The following INVS variants were observed in gnomAD, a reference collection of about 807,000 sequenced individuals.
INVS encodes inversion of embryo turning homolog.
In INVS, 86 loss-of-function variants were observed where a neutral mutation model predicts 108.8. That is an observed-to-expected ratio of 0.79 (90% CI 0.66 to 0.95). The LOEUF is 0.95. Among genes scored for constraint, INVS ranks in the 40% least tolerant of loss-of-function variants. INVS has a pLI of 0.00. For missense variants in INVS, 1,169 were observed against 1,297.4 expected (o/e 0.90, Z 1.52); for synonymous variants, 455 against 473.5 (o/e 0.96, Z 0.51).
rs758008772 is a variant in INVS at position 100,240,031 on chromosome 9, G to A, written c.616-29G>A. On this transcript the variant is annotated intron_variant, in intron 5 of 16. Transcript: ENST00000262457. ...GTAATTTATTGAGGATTCCATGTAT[G>A]TCTGAAGTCTCTGGTTCCTTCAAAT... The A allele has an allele frequency of 6.3e-6, 10 of 1,586,172 alleles. No individual in the cohort carries two copies. The Admixed American group carries it at 6.7e-5, about 11-fold the overall frequency.
intron 5 of INVS, 40 bp downstream of exon 5, chr9:100,229,867 AT>A (rs1157856370): frequency 6.9e-6 from 11 of 1,595,984 alleles, no homozygotes; most frequent in Non-Finnish European, 8.6e-6. Context: ...TGGCCTTGAA[AT>A]TTTTTTATTA....
intron 3 of INVS, among the ~76,000 whole-genome samples, chr9:100,174,845 G>T (rs1312766185): frequency 6.6e-6 from 1 of 152,186 alleles, no homozygotes; most frequent in Non-Finnish European, 1.5e-5. Flanking sequence ...CCAGGAGGAG[G>T]AGGTTGCAGT....
chr9:100,282,458 T>G (rs1833309916), intron 12 of INVS, among the ~76,000 whole-genome samples: 1 of 152,044 alleles, frequency 6.6e-6, no homozygotes, highest in South Asian at 2.1e-4. Context: ...GGACCCCAGA[T>G]CAGGGGCTAC....
intron 3 of INVS, among the ~76,000 whole-genome samples, chr9:100,144,010 C>A (rs922144622): frequency 6.6e-6 from 1 of 152,078 alleles, no homozygotes; most frequent in Non-Finnish European, 1.5e-5. Flanking sequence ...AGCCTTGGGC[C>A]AGAGTTCTAG....
At chr9:100,294,721 T>C (rs1833737142) in intron 14 of INVS, among the ~76,000 whole-genome samples, 1 of 152,172 alleles carries the variant, frequency 6.6e-6, no homozygotes, top group East Asian at 1.9e-4. Flanking sequence ...CCATGCACTT[T>C]GCCTGAAAAT....
chr9:100,114,391 C>CTTTTTTTTT (rs67549379), intron 2 of INVS, among the ~76,000 whole-genome samples: 3 of 64,858 alleles, frequency 4.6e-5, no homozygotes, highest in Non-Finnish European at 7.9e-5. Flanking sequence ...AGATTTCTTT[C>CTTTTTTTTT]TTTTTTTTTT....
chr9:100,224,366 A>G (rs536866846), intron 3 of INVS, among the ~76,000 whole-genome samples: 1 of 152,330 alleles, frequency 6.6e-6, no homozygotes, highest in South Asian at 2.1e-4. Flanking sequence ...AGAGATAAAT[A>G]GGCACGAAGT....
At chr9:100,100,152 T>C (rs541613551) in intron 1 of INVS, among the ~76,000 whole-genome samples, 2 of 152,288 alleles carry the variant, frequency 1.3e-5, no homozygotes, top group East Asian at 3.9e-4. Context: ...TTGCATTTTA[T>C]AGCACTTTAT....
At chr9:100,227,060 T>A (rs1400114956) in intron 4 of INVS, among the ~76,000 whole-genome samples, 2 of 152,164 alleles carry the variant, frequency 1.3e-5, no homozygotes, top group Non-Finnish European at 2.9e-5. Flanking sequence ...GTGCCTCAAT[T>A]TTTGTATGTA....
chr9:100,283,213 A>G (rs895840128), intron 12 of INVS, among the ~76,000 whole-genome samples: 28 of 152,138 alleles, frequency 1.8e-4, no homozygotes, highest in African/African-American at 6.8e-4. Context: ...CTGAGGTGGG[A>G]GGATCGCTTG....
At chr9:100,199,469 T>C (rs1243793833) in intron 3 of INVS, among the ~76,000 whole-genome samples, 1 of 152,196 alleles carries the variant, frequency 6.6e-6, no homozygotes, top group Non-Finnish European at 1.5e-5. Context: ...TCTTTTTCTC[T>C]TTTGCATTAA....
intron 13 of INVS, among the ~76,000 whole-genome samples, chr9:100,288,598 T>A (rs909357842): frequency 6.6e-6 from 1 of 151,782 alleles, no homozygotes; most frequent in Non-Finnish European, 1.5e-5. Flanking sequence ...TATTTTTGAG[T>A]CTTAATAAAG....
intron 3 of INVS, among the ~76,000 whole-genome samples, chr9:100,161,969 G>C (rs1377868111): frequency 6.6e-6 from 1 of 152,132 alleles, no homozygotes; most frequent in Non-Finnish European, 1.5e-5. Context: ...AAAACCTCCA[G>C]AGTAATAAAC....
chr9:100,195,544 G>T (rs1446383623), intron 3 of INVS, among the ~76,000 whole-genome samples: 2 of 151,914 alleles, frequency 1.3e-5, no homozygotes, highest in African/African-American at 4.8e-5. Context: ...CTGGAGTGCA[G>T]TGATGTGATC....
intron 3 of INVS, among the ~76,000 whole-genome samples, chr9:100,169,908 G>A (rs1829484157): frequency 6.6e-6 from 1 of 152,134 alleles, no homozygotes; most frequent in African/African-American, 2.4e-5. Context: ...CTAGATGGAT[G>A]AACCTGGTTA....
rs117805805 is a variant in INVS, at chr9:100,208,311, A to G, written c.274-17751A>G. On this transcript the variant is annotated intron_variant, in intron 3 of 16. Transcript: ENST00000262457. ...GAGGATTTAGGCTACCATTTTGAAA[A>G]TGGATAATAGTTACTAAGTCAGATT... 1.1e-4 allele frequency among the ~76,000 whole-genome samples: 16 copies of G among 152,346 alleles called. No homozygotes were observed. In the East Asian group the frequency reaches 2.1e-3, roughly 20 times the overall value.
chr9:100,206,872 C>T (rs1435461694), intron 3 of INVS, among the ~76,000 whole-genome samples: 2 of 152,126 alleles, frequency 1.3e-5, no homozygotes, highest in Non-Finnish European at 2.9e-5. Context: ...TGTAAGTATA[C>T]AGGCCAGTTA....
At chr9:100,246,336 A>C (rs1036505860) in intron 7 of INVS, among the ~76,000 whole-genome samples, 2 of 152,140 alleles carry the variant, frequency 1.3e-5, no homozygotes, top group African/African-American at 4.8e-5. Flanking sequence ...TCCAAGCTTG[A>C]TTGAAGATGA....
At chr9:100,108,460 AT>A (rs1241265023) in intron 2 of INVS, among the ~76,000 whole-genome samples, 1 of 152,212 alleles carries the variant, frequency 6.6e-6, no homozygotes, top group East Asian at 1.9e-4. Context: ...TTGTGCAAAA[AT>A]AATAACTGTT....
Sources: gnomAD v4.1 joint callset for allele counts (sites outside exome capture counted in the v4.1 genomes callset) on GRCh38, gnomAD v4.1.1 for gene constraint, MANE v1.5 for transcripts, NCBI Gene and HGNC (gene_info 2026-07-23, HGNC 2026-07-21) for gene names.